Variants in ABTB3 observed in about 807,000 individuals in gnomAD.
ABTB3 encodes ankyrin repeat and BTB domain containing 3, also known as ankyrin repeat- and BTB/POZ domain-containing protein 3.
the ABTB3 span, among the ~76,000 whole-genome samples, chr12:107,437,575 G>GT: frequency 2.0e-5 from 3 of 151,594 alleles, no homozygotes; most frequent in African/African-American, 7.3e-5. Context: ...TTTTGTATTT[G>GT]TTTTTTAGTA....
At chr12:107,464,492 G>A in the ABTB3 span, among the ~76,000 whole-genome samples, 1 of 152,046 alleles carries the variant, frequency 6.6e-6, no homozygotes, top group Non-Finnish European at 1.5e-5. Context: ...TTAAAGTTTT[G>A]TAAGGCTGGG....
chr12:107,367,551 C>T, the ABTB3 span, among the ~76,000 whole-genome samples: 1 of 152,112 alleles, frequency 6.6e-6, no homozygotes, highest in South Asian at 2.1e-4. Context: ...GTAGCCCAAG[C>T]TGGAGTGCAG....
At chr12:107,652,150 CT>C in the ABTB3 span, among the ~76,000 whole-genome samples, 1 of 152,244 alleles carries the variant, frequency 6.6e-6, no homozygotes, top group Non-Finnish European at 1.5e-5. Flanking sequence ...TAAGGTACAC[CT>C]TCTAAGGTTC....
At chr12:107,416,265 C>T in the ABTB3 span, among the ~76,000 whole-genome samples, 80 of 152,150 alleles carry the variant, frequency 5.3e-4, no homozygotes, top group Non-Finnish European at 9.8e-4. Flanking sequence ...GACCTGGCAC[C>T]TAGAGAGAGA....
the ABTB3 span, among the ~76,000 whole-genome samples, chr12:107,422,764 A>G: frequency 2.0e-5 from 3 of 152,232 alleles, no homozygotes; most frequent in African/African-American, 4.8e-5. Context: ...AAGAGCAGAA[A>G]CCCAACTCAC....
At chr12:107,542,709 AC>A in the ABTB3 span, among the ~76,000 whole-genome samples, 1 of 152,350 alleles carries the variant, frequency 6.6e-6, no homozygotes, top group East Asian at 1.9e-4. Context: ...CTTACTGGTA[AC>A]ATAAACAGTC....
At chr12:107,540,462 A>C in the ABTB3 span, among the ~76,000 whole-genome samples, 1 of 152,222 alleles carries the variant, frequency 6.6e-6, no homozygotes, top group East Asian at 1.9e-4. Context: ...ACTCTCACAG[A>C]CACACCCAGA....
the ABTB3 span, among the ~76,000 whole-genome samples, chr12:107,428,553 C>T: frequency 2.0e-5 from 3 of 152,354 alleles, no homozygotes; most frequent in Admixed American, 6.5e-5. Context: ...GGGTGCTCCA[C>T]AGCCTCTCAG....
At chr12:107,550,272 T>A in the ABTB3 span, among the ~76,000 whole-genome samples, 2 of 152,092 alleles carry the variant, frequency 1.3e-5, no homozygotes, top group African/African-American at 4.8e-5. Flanking sequence ...ACACCACTGA[T>A]GCTGGCCATT....
the ABTB3 span, among the ~76,000 whole-genome samples, chr12:107,358,085 AG>A: frequency 6.6e-6 from 1 of 152,294 alleles, no homozygotes; most frequent in South Asian, 2.1e-4. Flanking sequence ...TCTGGGGTCC[AG>A]GAGTAAATAG....
chr12:107,502,522 T>C, the ABTB3 span, among the ~76,000 whole-genome samples: 3 of 152,148 alleles, frequency 2.0e-5, no homozygotes, highest in Non-Finnish European at 4.4e-5. Flanking sequence ...ACGGCCACAG[T>C]ACATAAACAT....
the ABTB3 span, among the ~76,000 whole-genome samples, chr12:107,399,532 C>A: frequency 6.6e-6 from 1 of 152,144 alleles, no homozygotes. Flanking sequence ...CCCATCTCCC[C>A]CTCATTTTGG....
the ABTB3 span, chr12:107,319,441 G>T: frequency 6.2e-7 from 1 of 1,607,536 alleles, no homozygotes. Context: ...GCGCCATGGA[G>T]ATCGTGCTGT....
the ABTB3 span, among the ~76,000 whole-genome samples, chr12:107,552,189 C>G: frequency 6.6e-6 from 1 of 152,176 alleles, no homozygotes; most frequent in Non-Finnish European, 1.5e-5. Flanking sequence ...AATACTTGAA[C>G]CTTTGGAGTC....
chr12:107,568,550 T>A, the ABTB3 span, among the ~76,000 whole-genome samples: 1 of 152,190 alleles, frequency 6.6e-6, no homozygotes, highest in Non-Finnish European at 1.5e-5. Context: ...AGTTAAAATT[T>A]TAGTTCTTCA....
the ABTB3 span, among the ~76,000 whole-genome samples, chr12:107,364,281 T>C: frequency 6.6e-6 from 1 of 151,546 alleles, no homozygotes; most frequent in African/African-American, 2.4e-5. Flanking sequence ...AATACTTTTC[T>C]TTTTTCTTTT....
the ABTB3 span, among the ~76,000 whole-genome samples, chr12:107,544,816 G>A: frequency 6.6e-6 from 1 of 152,214 alleles, no homozygotes; most frequent in South Asian, 2.1e-4. Flanking sequence ...TAAGAGAGCA[G>A]GCTCTGTGAT....
the ABTB3 span, among the ~76,000 whole-genome samples, chr12:107,578,350 T>C: frequency 1.3e-5 from 2 of 151,782 alleles, no homozygotes; most frequent in Admixed American, 6.6e-5. Context: ...AGGTGTTATT[T>C]TTGAAGGCAG....
chr12:107,343,013 T>C, the ABTB3 span, among the ~76,000 whole-genome samples: 1 of 152,214 alleles, frequency 6.6e-6, no homozygotes, highest in African/African-American at 2.4e-5. Context: ...AGTTCTTTTA[T>C]TTAAAAATTT....
Sources: allele counts gnomAD v4.1 joint callset (sites outside exome capture counted in the v4.1 genomes callset), GRCh38; gene constraint gnomAD v4.1.1; transcripts MANE v1.5; gene names NCBI Gene and HGNC (gene_info 2026-07-23, HGNC 2026-07-21).